Variants in DCDC2 observed in about 807,000 individuals in gnomAD.
DCDC2 encodes doublecortin domain-containing protein 2.
In DCDC2, 40 loss-of-function variants were observed where a neutral mutation model predicts 50.2. That is an observed-to-expected ratio of 0.80 (90% CI 0.62 to 1.04). The LOEUF (loss-of-function observed/expected upper bound fraction) is 1.04, where lower values mean the gene tolerates loss of function less well. Among genes scored for constraint, DCDC2 ranks in the 50% least tolerant of loss-of-function variants. The probability of loss-of-function intolerance (pLI) is 0.00; values close to 1 mark genes in which losing one functional copy is unlikely to be tolerated. For synonymous variants in DCDC2, 234 were observed against 210.6 expected, an observed-to-expected ratio of 1.11 and a Z score of -0.96; for missense variants, 570 against 581.9, an observed-to-expected ratio of 0.98 and a Z score of 0.21.
intron 7 of DCDC2, among the ~76,000 whole-genome samples, chr6:24,256,989 C>G (rs1339609784): frequency 6.6e-6 from 1 of 152,186 alleles, no homozygotes; most frequent in Non-Finnish European, 1.5e-5. Flanking sequence ...TTTCTCTACA[C>G]AGAGCCATAT....
At chr6:24,296,468 T>A (rs1759245828) in intron 4 of DCDC2, among the ~76,000 whole-genome samples, 1 of 151,876 alleles carries the variant, frequency 6.6e-6, no homozygotes, top group African/African-American at 2.4e-5. Context: ...AAAGCAAAAA[T>A]TTACCAATTG....
At chr6:24,292,313 CATA>C (rs1561761761) in intron 4 of DCDC2, among the ~76,000 whole-genome samples, 3 of 151,184 alleles carry the variant, frequency 2.0e-5, no homozygotes, top group Admixed American at 1.3e-4. Context: ...TCCTATATTA[CATA>C]ATAAGATTAA....
intron 4 of DCDC2, among the ~76,000 whole-genome samples, chr6:24,300,300 T>G (rs1759344970): frequency 6.6e-6 from 1 of 152,014 alleles, no homozygotes; most frequent in Non-Finnish European, 1.5e-5. Flanking sequence ...GAGTATCAAT[T>G]GAGTCTGCAC....
chr6:24,179,867 T>C (rs28990374), intron 8 of DCDC2, among the ~76,000 whole-genome samples: 17,507 of 146,100 alleles, frequency 0.12, 1,207 homozygotes, highest in Middle Eastern at 0.2. Context: ...GGCAGGAGAA[T>C]TGCATGAACC....
At chr6:24,214,537 A>G (rs9467079) in intron 7 of DCDC2, among the ~76,000 whole-genome samples, 17,176 of 152,254 alleles carry the variant, frequency 0.11, 1,058 homozygotes, top group Middle Eastern at 0.16. Context: ...TCTAAAGTCT[A>G]TATCTGATAA....
intron 7 of DCDC2, among the ~76,000 whole-genome samples, chr6:24,220,883 C>CGAGA (rs1491083088): frequency 7.3e-5 from 7 of 95,832 alleles, no homozygotes; most frequent in African/African-American, 2.0e-4. Flanking sequence ...AGAGCGAGAG[C>CGAGA]GAGAGAGTGA....
At chr6:24,256,472 T>C (rs142006534) in intron 7 of DCDC2, among the ~76,000 whole-genome samples, 111 of 152,284 alleles carry the variant, frequency 7.3e-4, no homozygotes, top group Non-Finnish European at 1.2e-3. Flanking sequence ...GTTAAAAAGC[T>C]TATTTTTTAA....
chr6:24,318,383 G>T (rs1581649765), intron 2 of DCDC2, among the ~76,000 whole-genome samples: 2 of 152,014 alleles, frequency 1.3e-5, no homozygotes, highest in South Asian at 2.1e-4. Flanking sequence ...TGGGTTTTTT[G>T]TTGTTGTTGT....
intron 7 of DCDC2, among the ~76,000 whole-genome samples, chr6:24,220,617 G>A (rs1158316771): frequency 1.3e-5 from 2 of 152,130 alleles, no homozygotes; most frequent in Non-Finnish European, 2.9e-5. Context: ...TTCTGGATCA[G>A]GATGTAAATT....
intron 7 of DCDC2, among the ~76,000 whole-genome samples, chr6:24,213,516 C>T (rs939558179): frequency 2.0e-5 from 3 of 151,968 alleles, no homozygotes; most frequent in African/African-American, 4.8e-5. Context: ...ACCTCAGTCA[C>T]CAGAGGCAAA....
chr6:24,344,165 T>A (rs1324869039), intron 2 of DCDC2, among the ~76,000 whole-genome samples: 1 of 152,136 alleles, frequency 6.6e-6, no homozygotes, highest in East Asian at 1.9e-4. Context: ...TTTTTTCTTC[T>A]ATGAGTTTGA....
chr6:24,179,140 T>C (rs1414490290), intron 8 of DCDC2, among the ~76,000 whole-genome samples: 1 of 152,166 alleles, frequency 6.6e-6, no homozygotes, highest in Non-Finnish European at 1.5e-5. Flanking sequence ...TGACGTGGAA[T>C]GTAGACAGCT....
At chr6:24,382,155 T>G in the DCDC2 span, among the ~76,000 whole-genome samples, 1 of 152,162 alleles carries the variant, frequency 6.6e-6, no homozygotes, top group Non-Finnish European at 1.5e-5. Context: ...GTCCTTCACT[T>G]ACAATTAAAT....
At chr6:24,358,988 TTA>T (rs1760568705), upstream of DCDC2, among the ~76,000 whole-genome samples, 1 of 78,768 alleles carries the variant, frequency 1.3e-5, no homozygotes, top group Non-Finnish European at 2.1e-5. Context: ...ACATTATATA[TTA>T]TATATTATAT....
At chr6:24,249,101 C>T (rs542266590) in intron 7 of DCDC2, among the ~76,000 whole-genome samples, 1 of 152,254 alleles carries the variant, frequency 6.6e-6, no homozygotes, top group East Asian at 1.9e-4. Context: ...TATTAAAACT[C>T]TTAAAAATAA....
At chr6:24,223,747 T>G (rs779117116) in intron 7 of DCDC2, among the ~76,000 whole-genome samples, 1 of 152,228 alleles carries the variant, frequency 6.6e-6, no homozygotes, top group African/African-American at 2.4e-5. Flanking sequence ...TAAATTACCA[T>G]GTGTCTGAGG....
chr6:24,362,758 T>A (rs1472351187), upstream of DCDC2, among the ~76,000 whole-genome samples: 1 of 152,162 alleles, frequency 6.6e-6, no homozygotes, highest in African/African-American at 2.4e-5. Flanking sequence ...GTTTCCTGTC[T>A]CCACAAATGG....
chr6:24,203,795 A>G (rs979619139), intron 8 of DCDC2, among the ~76,000 whole-genome samples: 5 of 151,990 alleles, frequency 3.3e-5, no homozygotes, highest in African/African-American at 1.2e-4. Flanking sequence ...TACAAGAAAA[A>G]AAACAAACAA....
intron 8 of DCDC2, among the ~76,000 whole-genome samples, chr6:24,204,260 G>A (rs1163928329): frequency 6.6e-6 from 1 of 152,078 alleles, no homozygotes; most frequent in African/African-American, 2.4e-5. Context: ...ATGATAGACT[G>A]GATAAAGAAA....
Sources: gnomAD v4.1 joint callset for allele counts (sites outside exome capture counted in the v4.1 genomes callset) on GRCh38, gnomAD v4.1.1 for gene constraint, MANE v1.5 for transcripts, NCBI Gene and HGNC (gene_info 2026-07-23, HGNC 2026-07-21) for gene names.